The following AKAP13 variants were observed in gnomAD, a reference collection of about 807,000 sequenced individuals.
AKAP13 encodes A-kinase anchoring protein 13, also known as A-kinase anchor protein 13.
AKAP13 carries 80 observed loss-of-function variants against 264.5 expected under a neutral mutation model. The observed-to-expected ratio is 0.30, with a 90% CI of 0.25 to 0.36. AKAP13 has a LOEUF of 0.36. Among genes scored for constraint, AKAP13 ranks in the 10% least tolerant of loss-of-function variants. The probability of loss-of-function intolerance (pLI) is 1.00; values close to 1 mark genes in which losing one functional copy is unlikely to be tolerated. For synonymous variants in AKAP13, 1,380 were observed against 1,250.2 expected (o/e 1.10, Z -2.19); for missense variants, 3,712 against 3,435.2 (o/e 1.08, Z -2.01).
chr15:85,723,423 C>T, intron 26 of AKAP13, 103 bp downstream of exon 26: 5 of 1,502,966 alleles, frequency 3.3e-6, no homozygotes, highest in Non-Finnish European at 4.5e-6. Flanking sequence ...TCCCAGAGAG[C>T]CCATCTCTAA....
chr15:85,744,607 T>C (rs747202674), intron 36 of AKAP13, 21 bp from the exon 37 acceptor site: 2 of 1,613,856 alleles, frequency 1.2e-6, no homozygotes, highest in East Asian at 4.5e-5. Flanking sequence ...TTTTTTTCAT[T>C]CTTGGTTTTC....
At chr15:85,721,753 A>C (rs2087300605) in intron 23 of AKAP13, among the ~76,000 whole-genome samples, 1 of 152,228 alleles carries the variant, frequency 6.6e-6, no homozygotes, top group Non-Finnish European at 1.5e-5. Context: ...TTGTTTTTCA[A>C]ATCTGTATAA....
intron 29 of AKAP13, among the ~76,000 whole-genome samples, chr15:85,729,988 G>A (rs556459638): frequency 2.4e-4 from 37 of 152,256 alleles, no homozygotes; most frequent in African/African-American, 8.7e-4. Flanking sequence ...AGACAGCTCA[G>A]GATGGAGCTG....
chr15:85,437,330 A>G (rs1330516026), intron 1 of AKAP13, among the ~76,000 whole-genome samples: 2 of 152,246 alleles, frequency 1.3e-5, no homozygotes, highest in Non-Finnish European at 2.9e-5. Flanking sequence ...AATAATCAAT[A>G]GTTTACCAAC....
At chr15:85,609,392 T>C (rs1193030806) in intron 8 of AKAP13, among the ~76,000 whole-genome samples, 1 of 152,240 alleles carries the variant, frequency 6.6e-6, no homozygotes, top group Non-Finnish European at 1.5e-5. Context: ...GCTTGGTTTA[T>C]TTCATTTAAC....
At chr15:85,561,756 C>G (rs1307732124) in intron 5 of AKAP13, among the ~76,000 whole-genome samples, 1 of 152,078 alleles carries the variant, frequency 6.6e-6, no homozygotes, top group African/African-American at 2.4e-5. Flanking sequence ...AAGTTATGGA[C>G]TCATTGAGAA....
chr15:85,467,872 G>A (rs2074808172), intron 1 of AKAP13, among the ~76,000 whole-genome samples: 1 of 152,198 alleles, frequency 6.6e-6, no homozygotes, highest in South Asian at 2.1e-4. Context: ...TTTGGTCAGG[G>A]TGTGCTCTCT....
At chr15:85,694,054 G>A (rs543276701) in intron 17 of AKAP13, among the ~76,000 whole-genome samples, 58 of 152,316 alleles carry the variant, frequency 3.8e-4, no homozygotes, top group African/African-American at 1.2e-3. Flanking sequence ...ACCACTGCAC[G>A]TTTTAAAAGT....
At chr15:85,735,232 T>C (rs2088358088) in intron 31 of AKAP13, 82 bp downstream of exon 31, 1 of 1,526,756 alleles carries the variant, frequency 6.5e-7, no homozygotes, top group African/African-American at 1.4e-5. Context: ...CTTTAGTAGC[T>C]ACATCACCGC....
At chr15:85,438,768 T>C (rs2073464262) in intron 1 of AKAP13, among the ~76,000 whole-genome samples, 1 of 152,172 alleles carries the variant, frequency 6.6e-6, no homozygotes, top group Admixed American at 6.5e-5. Context: ...TAGCCATATG[T>C]AGAAAGCTGA....
chr15:85,635,180 C>A, intron 8 of AKAP13: 2 of 397,948 alleles, frequency 5.0e-6, no homozygotes, highest in Non-Finnish European at 8.9e-6. Context: ...TGCTTTCTTT[C>A]AGCAACAGTA....
Position 85,450,589 on chromosome 15 carries a change from A to T in AKAP13, c.-11-35121A>T, listed in dbSNP as rs2150977539. ...CTCATTATTTTCAAATAACTTCTGG[A>T]TTTCTGCCTTAATTTCATTATTTAC... is the stretch of plus-strand genomic sequence containing the variant. On this transcript the variant is annotated intron_variant, in intron 1 of 36. Coordinates refer to ENST00000394518, the MANE Select transcript of AKAP13 (RefSeq NM_007200.5). 3.3e-5 allele frequency among the ~76,000 whole-genome samples: 5 copies of T among 152,132 alleles called. No homozygotes were observed. The South Asian group carries it at 1.0e-3, about 32-fold the overall frequency.
chr15:85,583,972 A>G (rs1401592059), intron 7 of AKAP13, among the ~76,000 whole-genome samples: 1 of 152,190 alleles, frequency 6.6e-6, no homozygotes, highest in Non-Finnish European at 1.5e-5. Flanking sequence ...GGAACTCTGT[A>G]TTGATGGTCT....
intron 17 of AKAP13, among the ~76,000 whole-genome samples, chr15:85,700,338 A>C (rs548128365): frequency 6.6e-6 from 1 of 152,080 alleles, no homozygotes; most frequent in African/African-American, 2.4e-5. Flanking sequence ...CTTTTACTGG[A>C]CTCCCTGGAT....
chr15:85,487,195 C>T (rs1277335466), intron 2 of AKAP13, among the ~76,000 whole-genome samples: 3 of 152,184 alleles, frequency 2.0e-5, no homozygotes, highest in Admixed American at 6.5e-5. Context: ...TTTCTCTGTA[C>T]AGGATCAAGT....
At chr15:85,418,516 G>C (rs1567047023) in intron 1 of AKAP13, among the ~76,000 whole-genome samples, 2 of 152,176 alleles carry the variant, frequency 1.3e-5, no homozygotes, top group African/African-American at 2.4e-5. Context: ...TAATGGGATT[G>C]TGTAGCCCTG....
intron 1 of AKAP13, among the ~76,000 whole-genome samples, chr15:85,455,582 G>C (rs925932383): frequency 3.9e-5 from 6 of 151,988 alleles, no homozygotes; most frequent in Non-Finnish European, 8.8e-5. Context: ...TTGGGCATAG[G>C]TTTTACTCAA....
intron 33 of AKAP13, among the ~76,000 whole-genome samples, chr15:85,737,957 G>C (rs1008042039): frequency 6.6e-6 from 1 of 151,998 alleles, no homozygotes; most frequent in African/African-American, 2.4e-5. Flanking sequence ...TCTTTATGGC[G>C]ACTTTTCCCT....
intron 25 of AKAP13, 86 bp downstream of exon 25, chr15:85,722,433 A>G (rs185815275): frequency 5.5e-6 from 6 of 1,088,364 alleles, no homozygotes; most frequent in East Asian, 2.4e-5. Context: ...TGGAAGTGCT[A>G]TTTCATGCTT....
Sources: allele counts gnomAD v4.1 joint callset (sites outside exome capture counted in the v4.1 genomes callset), GRCh38; gene constraint gnomAD v4.1.1; transcripts MANE v1.5; gene names NCBI Gene and HGNC (gene_info 2026-07-23, HGNC 2026-07-21).